The following NAV2 variants were observed in gnomAD, a reference collection of about 807,000 sequenced individuals.
The protein encoded by NAV2 is helicase, APC down-regulated 1.
NAV2 carries 54 observed loss-of-function variants against 223.2 expected under a neutral mutation model. The ratio of observed to expected loss-of-function variants is 0.24; its 90% CI spans 0.19 to 0.30. The LOEUF (loss-of-function observed/expected upper bound fraction) is 0.30. NAV2 is among the 10% of genes least tolerant of loss of function. The pLI is 1.00. For missense variants in NAV2, 2,806 were observed against 3,147.5 expected (o/e 0.89, Z 2.60); for synonymous variants, 1,279 against 1,239.3 (o/e 1.03, Z -0.67).
chr11:19,396,619 C>T (rs1382423626), intron 1 of NAV2, among the ~76,000 whole-genome samples: 2 of 152,192 alleles, frequency 1.3e-5, no homozygotes, highest in Admixed American at 1.3e-4. Flanking sequence ...GAGGTCTCAA[C>T]AGTACGCTGG....
At chr11:19,739,845 G>A (rs371981937) in intron 1 of NAV2, among the ~76,000 whole-genome samples, 69 of 152,272 alleles carry the variant, frequency 4.5e-4, no homozygotes, top group African/African-American at 1.5e-3. Flanking sequence ...TCCAGACTTC[G>A]GCCAAGCTGG....
At chr11:20,063,894 A>G (rs943119641) in intron 20 of NAV2, among the ~76,000 whole-genome samples, 5 of 152,194 alleles carry the variant, frequency 3.3e-5, no homozygotes, top group African/African-American at 1.2e-4. Flanking sequence ...ATCAAGTTAA[A>G]GATACCAGGG....
At chr11:19,832,663 G>T in intron 2 of NAV2, 62 bp downstream of exon 2, 14 of 1,317,118 alleles carry the variant, frequency 1.1e-5, no homozygotes, top group Non-Finnish European at 1.5e-5. Flanking sequence ...AAAGGCCGGG[G>T]TGAGGGGAAC....
At chr11:19,365,658 G>T (rs779310247) in intron 1 of NAV2, among the ~76,000 whole-genome samples, 3 of 152,234 alleles carry the variant, frequency 2.0e-5, no homozygotes, top group Non-Finnish European at 4.4e-5. Flanking sequence ...AGAGGGTGGA[G>T]ATTGAGTCTC....
intron 35 of NAV2, among the ~76,000 whole-genome samples, chr11:20,106,155 G>GTATATATA (rs1554968868): frequency 6.3e-5 from 2 of 31,498 alleles, no homozygotes; most frequent in African/African-American, 6.6e-5. Context: ...GTGTGTGTGT[G>GTATATATA]TATATATATA....
intron 18 of NAV2, 65 bp downstream of exon 18, chr11:20,054,305 A>G (rs1002407183): frequency 7.1e-5 from 101 of 1,428,894 alleles, no homozygotes; most frequent in Non-Finnish European, 9.1e-5. Context: ...TCTTATATAC[A>G]TAACATATTT....
At chr11:19,440,650 G>C (rs1851368998) in intron 1 of NAV2, among the ~76,000 whole-genome samples, 1 of 152,194 alleles carries the variant, frequency 6.6e-6, no homozygotes, top group Non-Finnish European at 1.5e-5. Flanking sequence ...GTATGGTAAG[G>C]GGGTGAGAGA....
chr11:19,765,102 C>T (rs929920198), intron 1 of NAV2, among the ~76,000 whole-genome samples: 1 of 152,162 alleles, frequency 6.6e-6, no homozygotes, highest in African/African-American at 2.4e-5. Flanking sequence ...AGTGTATAGG[C>T]ATTAACAGAT....
chr11:19,969,071 T>G (rs563719025), intron 10 of NAV2, among the ~76,000 whole-genome samples: 2 of 152,362 alleles, frequency 1.3e-5, no homozygotes, highest in South Asian at 4.1e-4. Flanking sequence ...TGCCACACCC[T>G]GTCCCTCTTG....
chr11:19,745,426 C>A (rs951472705), intron 1 of NAV2, among the ~76,000 whole-genome samples: 1 of 152,218 alleles, frequency 6.6e-6, no homozygotes, highest in Non-Finnish European at 1.5e-5. Context: ...TGTGCCTACT[C>A]TGCCTAATGG....
At chr11:19,485,868 C>G (rs1444484199) in intron 1 of NAV2, among the ~76,000 whole-genome samples, 1 of 151,944 alleles carries the variant, frequency 6.6e-6, no homozygotes, top group African/African-American at 2.4e-5. Context: ...ACTTGTTTCC[C>G]AATTGTGCCA....
intron 11 of NAV2, among the ~76,000 whole-genome samples, chr11:19,997,997 A>G (rs1591594033): frequency 2.0e-5 from 3 of 152,238 alleles, no homozygotes; most frequent in Non-Finnish European, 2.9e-5. Flanking sequence ...CCTTTGGAAC[A>G]ATAAGCTCCT....
intron 1 of NAV2, among the ~76,000 whole-genome samples, chr11:19,768,838 G>A (rs2055458940): frequency 6.6e-6 from 1 of 152,170 alleles, no homozygotes; most frequent in African/African-American, 2.4e-5. Flanking sequence ...TTTATTGTGA[G>A]GACTGAAGAT....
intron 26 of NAV2, among the ~76,000 whole-genome samples, chr11:20,085,839 G>A (rs1271928658): frequency 1.3e-5 from 2 of 152,192 alleles, no homozygotes; most frequent in Non-Finnish European, 2.9e-5. Flanking sequence ...AGGCCTAGAA[G>A]AGGCTTATGT....
chr11:19,668,105 A>C (rs1325258042), intron 1 of NAV2, among the ~76,000 whole-genome samples: 2 of 152,224 alleles, frequency 1.3e-5, no homozygotes, highest in African/African-American at 4.8e-5. Context: ...TCCTGGGAGC[A>C]GAGAGGACAG....
At chr11:19,715,960 C>A (rs1323782714) in intron 1 of NAV2, among the ~76,000 whole-genome samples, 1 of 152,224 alleles carries the variant, frequency 6.6e-6, no homozygotes, top group Non-Finnish European at 1.5e-5. Flanking sequence ...TGGCAGATCC[C>A]TGTCTGCACA....
intron 5 of NAV2, among the ~76,000 whole-genome samples, chr11:19,885,189 A>G (rs929697834): frequency 1.8e-4 from 27 of 152,342 alleles, no homozygotes; most frequent in Middle Eastern, 3.4e-3. Flanking sequence ...GGTAGGTCAT[A>G]TTATTGTCTC....
chr11:19,965,164 C>T (rs1269032322), intron 10 of NAV2, among the ~76,000 whole-genome samples: 1 of 151,982 alleles, frequency 6.6e-6, no homozygotes, highest in Non-Finnish European at 1.5e-5. Context: ...TCCCATTCTC[C>T]TGTTGAGGAC....
chr11:19,528,284 G>A (rs1251699484), intron 1 of NAV2, among the ~76,000 whole-genome samples: 2 of 152,162 alleles, frequency 1.3e-5, no homozygotes, highest in Non-Finnish European at 2.9e-5. Flanking sequence ...AGCCATCATG[G>A]ACCCTGGGCA....
Sources: allele counts gnomAD v4.1 joint callset (sites outside exome capture counted in the v4.1 genomes callset), GRCh38; gene constraint gnomAD v4.1.1; transcripts MANE v1.5; gene names NCBI Gene and HGNC (gene_info 2026-07-23, HGNC 2026-07-21).